The following IKZF4 variants were observed in gnomAD, a reference collection of about 807,000 sequenced individuals.
IKZF4 encodes zinc finger protein Eos.
IKZF4 carries 11 observed loss-of-function variants against 47.7 expected under a neutral mutation model. That is an observed-to-expected ratio of 0.23 (90% CI 0.15 to 0.38). The LOEUF (loss-of-function observed/expected upper bound fraction) is 0.38, where lower values mean the gene tolerates loss of function less well. Ranked by LOEUF, IKZF4 falls within the 10% of genes least tolerant of loss-of-function variation. The pLI, the probability that IKZF4 is intolerant of heterozygous loss-of-function variation, is 1.00. For missense variants in IKZF4, 557 were observed against 784.9 expected (o/e 0.71, Z 3.47); for synonymous variants, 298 against 299.4 (o/e 1.00, Z 0.05).
At chr12:56,009,244 G>A (rs1231574514) in intron 1 of IKZF4, among the ~76,000 whole-genome samples, 1 of 152,022 alleles carries the variant, frequency 6.6e-6, no homozygotes, top group Non-Finnish European at 1.5e-5. Context: ...ACTTTGCCTG[G>A]GTGAAGATAC....
intron 2 of IKZF4, chr12:56,024,811 T>A: frequency 7.4e-7 from 1 of 1,358,886 alleles, no homozygotes; most frequent in South Asian, 1.5e-5. Flanking sequence ...AGTGATGCTC[T>A]TGCCCTCAGG....
At chr12:56,009,375 A>G (rs34507011) in intron 1 of IKZF4, among the ~76,000 whole-genome samples, 14,483 of 152,206 alleles carry the variant, frequency 0.095, 824 homozygotes, top group African/African-American at 0.15. Flanking sequence ...CAATCTTTGA[A>G]AGCATAGTGT....
At chr12:56,032,491 T>G in intron 5 of IKZF4, 70 bp from the exon 6 acceptor site, 1 of 1,460,678 alleles carries the variant, frequency 6.8e-7, no homozygotes, top group Non-Finnish European at 9.2e-7. Context: ...TACTTGCTCT[T>G]GGCTGAATCT....
chr12:56,035,082 G>A lies in IKZF4; in HGVS notation c.1509G>A (p.Glu503=). ...CCAAAGAGGACCCCAAGCCACAGGA[G>A]GGGTTATTGCGGGGCACCCCAGGCC... is the stretch of plus-strand genomic sequence containing the variant. ...AYAKEDPKPQ[E]GLLRGTPGPS... is the part of the protein sequence containing the mutation. Residue 503 remains glutamate (E), a synonymous_variant, in exon 8 of 8, where the codon GAG becomes GAA. Transcript: ENST00000547167. This position sits in a 1 kb window ranked among gnomAD's most constrained non-coding sequence, Gnocchi z 6.1. The A allele has an allele frequency of 1.2e-6, 2 of 1,600,176 alleles. No individual in the cohort carries two copies. The highest frequency in any genetic ancestry group is 1.1e-5 in the South Asian group (1 of 88,434).
chr12:56,023,699 T>G lies in IKZF4; in HGVS notation c.116T>G (p.Val39Gly). ...NLERDPSGGCVPDFLPQAQDS... is the reference protein window; with the variant it reads ...NLERDPSGGCGPDFLPQAQDS... ...GAGAGGGATCCCTCAGGAGGGTGTGTTCCGGATTTCTTGCCTCAGGCCCAA... is the reference window on the plus strand; with the variant it reads ...GAGAGGGATCCCTCAGGAGGGTGTGGTCCGGATTTCTTGCCTCAGGCCCAA... Residue 39 changes from valine to glycine, a missense_variant, in exon 2 of 8, where the codon GTT becomes GGT. Val to Gly is a moderately radical substitution (Grantham distance 109, BLOSUM62 -3). Coordinates refer to ENST00000547167, the MANE Select transcript of IKZF4 (RefSeq NM_022465.4). 2 of 1,614,006 alleles carry G rather than the reference T, an allele frequency of 1.2e-6. No individual in the cohort carries two copies. The highest frequency in any genetic ancestry group is 1.7e-6 in the Non-Finnish European group (2 of 1,179,884).
chr12:56,013,965 A>G (rs1234773517), intron 2 of IKZF4, among the ~76,000 whole-genome samples: 1 of 152,180 alleles, frequency 6.6e-6, no homozygotes, highest in African/African-American at 2.4e-5. Context: ...AGCCTGGCCA[A>G]CATGGCAAAA....
At chr12:56,034,092 G>A (rs1443431166) in intron 7 of IKZF4, among the ~76,000 whole-genome samples, 3 of 151,946 alleles carry the variant, frequency 2.0e-5, no homozygotes, top group South Asian at 2.1e-4. Flanking sequence ...TAGTAGAGAC[G>A]GGGTTTCACC....
upstream of IKZF4, among the ~76,000 whole-genome samples, chr12:56,017,836 C>A (rs1158222516): frequency 6.6e-6 from 1 of 152,062 alleles, no homozygotes; most frequent in Non-Finnish European, 1.5e-5. Context: ...ACTACAGGCA[C>A]ATGCCACGAT....
chr12:56,023,570 C>T (rs960073293), intron 1 of IKZF4, 101 bp from the exon 2 acceptor site: 11 of 1,370,294 alleles, frequency 8.0e-6, no homozygotes, highest in Non-Finnish European at 1.1e-5. Flanking sequence ...TTTCCTCAGG[C>T]TTTGACGGGA....
At chr12:56,022,730 C>T (rs1178660779) in intron 1 of IKZF4, among the ~76,000 whole-genome samples, 1 of 151,678 alleles carries the variant, frequency 6.6e-6, no homozygotes, top group African/African-American at 2.4e-5. Flanking sequence ...GGTGTGACTC[C>T]TGCTTCTCTT....
chr12:56,027,051 C>T lies in IKZF4; in HGVS notation c.547+10C>T, dbSNP rs971621788. 1.3e-6 allele frequency: 2 copies of T among 1,496,944 alleles called. No homozygotes were observed. Among genetic ancestry groups the T allele is most frequent in the African/African-American group, 1.4e-5 (1 of 70,594 alleles). The allele number at this position is 1,496,944 out of a possible 1,614,324, so 92.7% of individuals were successfully genotyped here. On this transcript the variant is annotated intron_variant, in intron 4 of 7. Transcript: ENST00000547167. ...AAGCGCAGTCACACTGGTAAGTAAG[C>T]CAGAGGGGCTCTGGGAGGAGCTCCC...
upstream of IKZF4, chr12:56,020,947 G>A: frequency 9.9e-7 from 1 of 1,011,556 alleles, no homozygotes; most frequent in Non-Finnish European, 1.2e-6. Flanking sequence ...TGGGGCCTTG[G>A]CTTCCCCAGC....
upstream of IKZF4, chr12:56,020,827 C>G (rs954520618): frequency 5.2e-6 from 3 of 573,238 alleles, no homozygotes; most frequent in Admixed American, 6.3e-5. Context: ...GTCCCCACAT[C>G]TAGAGAGCAA....
At chr12:56,032,540 T>C in intron 5 of IKZF4, 21 bp from the exon 6 acceptor site, 1 of 1,599,312 alleles carries the variant, frequency 6.3e-7, no homozygotes, top group East Asian at 2.2e-5. Context: ...TCTGATGCCA[T>C]CTTTCCACTC....
chr12:56,027,901 C>G lies in IKZF4; in HGVS notation c.669C>G (p.Ala223=). The change falls in exon 5 of 8, where the codon GCC becomes GCG. Residue 223 remains alanine, a synonymous_variant. Transcript: ENST00000547167. The part of the protein sequence containing the change: ...KPFKCPFCNY[A]CRRRDALTGH... ...TTAAATGTCCCTTCTGCAACTATGCCTGCCGCCGGCGTGATGCACTCACTG... is the reference window on the plus strand; with the variant it reads ...TTAAATGTCCCTTCTGCAACTATGCGTGCCGCCGGCGTGATGCACTCACTG... The G allele has an allele frequency of 1.9e-6, 3 of 1,592,932 alleles. No homozygotes were observed. The highest frequency in any genetic ancestry group is 1.3e-5 in the African/African-American group (1 of 74,792).
At position 56,021,272 on chromosome 12, in the gene IKZF4, T is replaced by TCC; in HGVS notation, c.-220_-219dup. ...AAGCGTGCTCTCCCCTCTCCTTCTCTCCCTCTCTCTCTCTCTCTCTCTCAC... is the reference window on the plus strand; with the variant it reads ...AAGCGTGCTCTCCCCTCTCCTTCTCTCCCCCTCTCTCTCTCTCTCTCTCTCAC... On this transcript the variant is annotated 5_prime_UTR_variant, in exon 1 of 8. Coordinates refer to ENST00000547167, the MANE Select transcript of IKZF4 (RefSeq NM_022465.4). 7.2e-7 allele frequency: 1 copy of TCC among 1,380,546 alleles called. No homozygotes were observed. The highest frequency in any genetic ancestry group is 9.4e-7 in the Non-Finnish European group (1 of 1,066,516). 85.5% of individuals were successfully genotyped at this position (1,380,546 alleles called of 1,614,324 possible).
chr12:56,023,402 A>G (rs1162804978), intron 1 of IKZF4, among the ~76,000 whole-genome samples: 1 of 152,262 alleles, frequency 6.6e-6, no homozygotes, highest in Non-Finnish European at 1.5e-5. Context: ...CTCTGAGTCT[A>G]CAAGTCTCAA....
At position 56,026,933 on chromosome 12, in the gene IKZF4, C is replaced by T; in HGVS notation, c.439C>T (p.His147Tyr). 1.9e-6 allele frequency: 3 copies of T among 1,612,718 alleles called. No individual in the cohort carries two copies. Among genetic ancestry groups the T allele is most frequent in the Non-Finnish European group, 2.5e-6 (3 of 1,179,356 alleles). ...CTGTGATGGGAGTGGGCCAGAGCCT[C>T]ACTCCCCTGGGGGCATCCGGCTGCC... ...GYCDGSGPEP[H>Y]SPGGIRLPNG... The change falls in exon 4 of 8, where the codon CAC becomes TAC. Residue 147 changes from histidine to tyrosine, a missense_variant. Around this residue, in one of 6 missense-constraint regions of IKZF4, gnomAD observed 112 missense variants for 168.2 expected, o/e 0.67. Coordinates refer to ENST00000547167, the MANE Select transcript of IKZF4 (RefSeq NM_022465.4).
chr12:56,009,129 G>A (rs1310872438), intron 1 of IKZF4, among the ~76,000 whole-genome samples: 1 of 152,048 alleles, frequency 6.6e-6, no homozygotes, highest in African/African-American at 2.4e-5. Context: ...ATCAATGGTG[G>A]GCATGGTATG....
Sources: allele counts gnomAD v4.1 joint callset (sites outside exome capture counted in the v4.1 genomes callset), GRCh38; gene constraint gnomAD v4.1.1; regional missense constraint gnomAD v4.1.1; non-coding constraint Gnocchi (gnomAD v3.1); transcripts MANE v1.5; gene names NCBI Gene and HGNC (gene_info 2026-07-23, HGNC 2026-07-21).